TCHP: variants seen among roughly 807,000 people sequenced by gnomAD.
TCHP encodes trichoplein keratin filament-binding protein.
In TCHP, 81 loss-of-function variants were observed where a neutral mutation model predicts 88.7. The ratio of observed to expected loss-of-function variants is 0.91; its 90% confidence interval spans 0.76 to 1.10. The LOEUF (loss-of-function observed/expected upper bound fraction) is 1.10. Among genes scored for constraint, TCHP ranks in the 50% least tolerant of loss-of-function variants. The pLI, the probability that TCHP is intolerant of heterozygous loss-of-function variation, is 0.00. For synonymous variants in TCHP, 232 were observed against 232.5 expected, an observed-to-expected ratio of 1.00 and a Z score of 0.02; for missense variants, 641 against 632.1, an observed-to-expected ratio of 1.01 and a Z score of -0.15.
Position 109,905,166 on chromosome 12 carries a change from CA to C in TCHP, c.456+374del. The C allele has an allele frequency of 4.0e-6, 1 of 249,064 alleles. No individual in the cohort carries two copies. Among genetic ancestry groups the C allele is most frequent in the South Asian group, 5.8e-5 (1 of 17,272 alleles). The allele number at this position is 249,064 out of a possible 1,614,324, so 15.4% of individuals were successfully genotyped here. A position where few individuals can be genotyped will look rare whatever the true frequency, so the allele number is the denominator to read the frequency against. On this transcript the variant is annotated intron_variant, in intron 4 of 12. Coordinates refer to ENST00000405876, the MANE Select transcript of TCHP (RefSeq NM_001143852.2). This position sits in a 1 kb window ranked among gnomAD's most constrained non-coding sequence, Gnocchi z 4.0. ...CTCTGGAGGGGTTGGGGAGGCTTCC[CA>C]GAGGAGTTCCTGGGGTGGAAGAGTT...
rs763373830 is a variant in TCHP, at chr12:109,906,601, C to T, written c.486C>T (p.Val162=). ...AGCTGGACCTTCACCAGAAGCATGT[C>T]GTAAACTCTTGGGAAATGCAGAAAG... ...EMELDLHQKH[V]VNSWEMQKEE... is the part of the protein sequence containing the mutation. The change falls in exon 5 of 13, where the codon GTC becomes GTT. Residue 162 remains valine, a synonymous_variant. Transcript: ENST00000405876. 1.1e-5 allele frequency: 17 copies of T among 1,612,014 alleles called. No homozygotes were observed. Among genetic ancestry groups the T allele is most frequent in the Admixed American group, 1.7e-5 (1 of 59,962 alleles).
intron 11 of TCHP, 153 bp from the exon 12 acceptor site, chr12:109,915,250 G>T (rs375329251): frequency 9.9e-7 from 1 of 1,008,524 alleles, no homozygotes. Flanking sequence ...TTCAAGTCCC[G>T]CATGCTCCCT....
Position 109,904,794 on chromosome 12 carries a change from G to A in TCHP, c.456+1G>A. The A allele has an allele frequency of 6.2e-7, 1 of 1,612,528 alleles. No individual in the cohort carries two copies. The highest frequency in any genetic ancestry group is 8.5e-7 in the Non-Finnish European group (1 of 1,179,408). On this transcript the variant is annotated splice_donor_variant, in intron 4 of 12. Coordinates refer to ENST00000405876, the MANE Select transcript of TCHP (RefSeq NM_001143852.2). LOFTEE classifies it high-confidence loss of function. Reference sequence around the variant, plus strand: ...AAAGAACAACCCGAAACTTCGAGAGGTGAAAATCAGAGATCTCCATTGATT... The same window carrying A: ...AAAGAACAACCCGAAACTTCGAGAGATGAAAATCAGAGATCTCCATTGATT...
chr12:109,904,346 A>G (rs1484215563), intron 3 of TCHP, among the ~76,000 whole-genome samples, 199 bp downstream of exon 3: 2 of 152,180 alleles, frequency 1.3e-5, no homozygotes, highest in South Asian at 2.1e-4. Flanking sequence ...AGCCCCTTCA[A>G]TCATTACATC....
intron 12 of TCHP, 48 bp downstream of exon 12, chr12:109,915,594 GCCCGGCCC>G: frequency 1.3e-6 from 2 of 1,560,596 alleles, no homozygotes; most frequent in Non-Finnish European, 1.7e-6. Flanking sequence ...GACAGACTCT[GCCCGGCCC>G]CTGCTCCCCT....
rs1306860378 is a variant in TCHP at position 109,903,776 on chromosome 12, A to G, written c.189-161A>G. Among the ~76,000 whole-genome samples, 1 of 152,208 alleles carries G rather than the reference A, an allele frequency of 6.6e-6. No individual in the cohort carries two copies. The highest frequency in any genetic ancestry group is 1.5e-5 in the Non-Finnish European group (1 of 68,030). On this transcript the variant is annotated intron_variant, in intron 2 of 12. Coordinates refer to ENST00000405876, the MANE Select transcript of TCHP (RefSeq NM_001143852.2). The surrounding 1 kb of genome is among the most constrained non-coding windows in gnomAD (Gnocchi z 4.6). ...TTTGCAAAAAACAAGATTTTCTCTTACACATACTATTCTGTGACCTGCTGT... is the reference window on the plus strand; with the variant it reads ...TTTGCAAAAAACAAGATTTTCTCTTGCACATACTATTCTGTGACCTGCTGT...
chr12:109,913,074 T>C lies in TCHP; in HGVS notation c.1134+2T>C, dbSNP rs774026516. ...GCACGGGACAGACTGATGAGCGAGG[T>C]AATCCCAGCTGCGGCGATGTGGACC... On this transcript the variant is annotated splice_donor_variant, in intron 10 of 12. Transcript: ENST00000405876. LOFTEE classifies it high-confidence loss of function. 9.9e-6 allele frequency: 16 copies of C among 1,613,544 alleles called. No individual in the cohort carries two copies. The highest frequency in any genetic ancestry group is 1.2e-5 in the Non-Finnish European group (14 of 1,179,970).
Position 109,903,003 on chromosome 12 carries a change from C to T in TCHP, c.1-24C>T. ...GGTTCCTGGGATTTGCAGTGGCTCA[C>T]TTTCCTCCCATTCCTGTTCTCAGAT... On this transcript the variant is annotated intron_variant, in intron 1 of 12. Coordinates refer to ENST00000405876, the MANE Select transcript of TCHP (RefSeq NM_001143852.2). This position sits in a 1 kb window ranked among gnomAD's most constrained non-coding sequence, Gnocchi z 4.6. 1 of 1,575,188 alleles carries T rather than the reference C, an allele frequency of 6.3e-7. No homozygotes were observed. The highest frequency in any genetic ancestry group is 8.6e-7 in the Non-Finnish European group (1 of 1,158,486).
At chr12:109,908,492 GTA>G in intron 6 of TCHP, 92 bp from the exon 7 acceptor site, 2 of 1,034,414 alleles carry the variant, frequency 1.9e-6, no homozygotes, top group South Asian at 2.9e-5. Context: ...CTCTGTTGGT[GTA>G]GTGTCTGCGA....
intron 3 of TCHP, 77 bp from the exon 4 acceptor site, chr12:109,904,660 T>C (rs1870020310): frequency 7.1e-7 from 1 of 1,398,982 alleles, no homozygotes. Context: ...CTGAGCTGAC[T>C]TCCACTGTGT....
chr12:109,880,926 C>T, the TCHP span, among the ~76,000 whole-genome samples: 2 of 152,236 alleles, frequency 1.3e-5, no homozygotes, highest in Admixed American at 1.3e-4. The surrounding 1 kb of genome is among the most constrained non-coding windows in gnomAD (Gnocchi z 5.1). Context: ...GGACACTGCT[C>T]TCCTGTTGGT....
chr12:109,917,872 A>G lies in TCHP; in HGVS notation c.*1249A>G, dbSNP rs947111927. On this transcript the variant is annotated 3_prime_UTR_variant, in exon 13 of 13. Transcript: ENST00000405876. ...GAGTTTATTAAAAATCCTGAGTCTTAAGGGCTGTCTTACCTTTCACTTCCA... is the reference window on the plus strand; with the variant it reads ...GAGTTTATTAAAAATCCTGAGTCTTGAGGGCTGTCTTACCTTTCACTTCCA... 1.3e-5 allele frequency: 2 copies of G among 152,466 alleles called. No individual in the cohort carries two copies. The highest frequency in any genetic ancestry group is 4.8e-5 in the African/African-American group (2 of 41,456). The allele number at this position is 152,466 out of a possible 1,614,324, so 9.4% of individuals were successfully genotyped here.
At chr12:109,907,894 G>A (rs991499928) in intron 6 of TCHP, among the ~76,000 whole-genome samples, 195 bp downstream of exon 6, 3 of 152,256 alleles carry the variant, frequency 2.0e-5, no homozygotes, top group African/African-American at 7.2e-5. Context: ...TTGCGTGCCT[G>A]AATTCCAGAA....
intron 12 of TCHP, 44 bp from the exon 13 acceptor site, chr12:109,916,547 A>G: frequency 1.3e-6 from 2 of 1,574,724 alleles, no homozygotes; most frequent in South Asian, 1.2e-5. Flanking sequence ...CATGCTGCAG[A>G]TACTGCTGAT....
At chr12:109,901,607 G>T (rs10850965) in intron 1 of TCHP, among the ~76,000 whole-genome samples, 21,718 of 152,152 alleles carry the variant, frequency 0.14, 2,417 homozygotes, top group African/African-American at 0.31. Flanking sequence ...ACCTTGAGTT[G>T]GTGTCGGGCA....
At chr12:109,887,358 G>T in the TCHP span, among the ~76,000 whole-genome samples, 1 of 146,582 alleles carries the variant, frequency 6.8e-6, no homozygotes, top group Non-Finnish European at 1.5e-5. Flanking sequence ...GGAGGCAGAG[G>T]TTGCAGTGAG....
intron 5 of TCHP, among the ~76,000 whole-genome samples, 191 bp from the exon 6 acceptor site, chr12:109,907,335 A>G (rs1373566646): frequency 6.6e-6 from 1 of 152,202 alleles, no homozygotes. Flanking sequence ...CATTTTAGAA[A>G]GTGTTTTGTT....
At chr12:109,889,957 C>A in the TCHP span, among the ~76,000 whole-genome samples, 2 of 152,308 alleles carry the variant, frequency 1.3e-5, no homozygotes, top group South Asian at 4.1e-4. Context: ...CTAATTAATG[C>A]GAAGGCGCAC....
At chr12:109,908,202 T>C (rs1870255872) in intron 6 of TCHP, among the ~76,000 whole-genome samples, 1 of 152,206 alleles carries the variant, frequency 6.6e-6, no homozygotes, top group Non-Finnish European at 1.5e-5. Flanking sequence ...GGCCGTGATT[T>C]AGCAACTACA....
Sources: allele counts gnomAD v4.1 joint callset (sites outside exome capture counted in the v4.1 genomes callset), GRCh38; gene constraint gnomAD v4.1.1; non-coding constraint Gnocchi (gnomAD v3.1); transcripts MANE v1.5; gene names NCBI Gene and HGNC (gene_info 2026-07-23, HGNC 2026-07-21).